KIAA2012: variants seen among roughly 807,000 people sequenced by gnomAD.
The protein encoded by KIAA2012 is KIAA2012.
KIAA2012 carries 125 observed loss-of-function variants against 150.6 expected under a neutral mutation model. The ratio of observed to expected loss-of-function variants is 0.83; its 90% confidence interval spans 0.72 to 0.96. KIAA2012 has a LOEUF of 0.96. KIAA2012 is among the 40% of genes least tolerant of loss of function. The pLI is 0.00. For missense variants in KIAA2012, 1,219 were observed against 1,354.9 expected, an observed-to-expected ratio of 0.90 and a Z score of 1.57; for synonymous variants, 462 against 504.7, an observed-to-expected ratio of 0.92 and a Z score of 1.13.
chr2:202,125,916 T>C (rs1690772075), intron 12 of KIAA2012: 1 of 401,336 alleles, frequency 2.5e-6, no homozygotes. Context: ...CAGAGAAATG[T>C]GAGTGGTGTT....
intron 15 of KIAA2012, among the ~76,000 whole-genome samples, chr2:202,166,810 CATG>C (rs1691777123): frequency 6.6e-6 from 1 of 152,142 alleles, no homozygotes; most frequent in Admixed American, 6.5e-5. Context: ...GTGAGAATAT[CATG>C]AGTCTTAGAC....
Position 202,100,409 on chromosome 2 carries a change from G to C in KIAA2012, c.1115G>C (p.Gly372Ala), listed in dbSNP as rs770610352. Residue 372 changes from glycine (G) to alanine (A), a missense_variant, in exon 7 of 24, where the codon GGC (glycine) becomes GCC (alanine). Physicochemically the swap from Gly to Ala is moderately conservative, Grantham distance 60. Coordinates refer to ENST00000498697, the MANE Select transcript of KIAA2012 (RefSeq NM_001277372.4). ...SLFPPVASAT[G>A]SRIITPGEVK... ...TTCCCTCCTGTAGCATCTGCCACTG[G>C]CTCCAGAATAATCACCCCTGGGGAA... 4 of 1,550,536 alleles carry C rather than the reference G, an allele frequency of 2.6e-6. No homozygotes were observed. The highest frequency in any genetic ancestry group is 2.4e-5 in the South Asian group (2 of 84,048).
intron 11 of KIAA2012, chr2:202,115,306 A>C (rs1451716989): frequency 6.6e-6 from 1 of 152,166 alleles, no homozygotes; most frequent in Non-Finnish European, 1.5e-5. Flanking sequence ...AAACCATCTT[A>C]ATCACCGTCT....
chr2:202,167,683 A>AT (rs1291267246), intron 15 of KIAA2012, among the ~76,000 whole-genome samples: 1 of 151,494 alleles, frequency 6.6e-6, no homozygotes, highest in Admixed American at 6.6e-5. Context: ...GCCTCTAAAA[A>AT]TTTTTTTTTA....
intron 16 of KIAA2012, among the ~76,000 whole-genome samples, chr2:202,185,479 G>A (rs1692209229): frequency 6.6e-6 from 1 of 152,126 alleles, no homozygotes; most frequent in South Asian, 2.1e-4. Flanking sequence ...GGTCAAAAAG[G>A]TTTTGTGTTC....
intron 2 of KIAA2012, 81 bp downstream of exon 2, chr2:202,075,256 C>A: frequency 1.4e-6 from 2 of 1,427,136 alleles, no homozygotes; most frequent in African/African-American, 1.4e-5. Context: ...GGAATAATTT[C>A]TTGGACCCGG....
At chr2:202,154,549 C>G in intron 13 of KIAA2012, 124 bp from the exon 14 acceptor site, 1 of 825,088 alleles carries the variant, frequency 1.2e-6, no homozygotes, top group Non-Finnish European at 1.8e-6. Context: ...ACAATAGTTG[C>G]TGCGTATTAT....
At position 202,087,432 on chromosome 2, in the gene KIAA2012, G is replaced by A. The variant is rs1419006580; in HGVS notation, c.370-3338G>A. ...GGAGGCTGAGGCAGGAGAATCGTTTGAACCCAGGAGGCAGAGATTGTAGTG... is the reference window on the plus strand; with the variant it reads ...GGAGGCTGAGGCAGGAGAATCGTTTAAACCCAGGAGGCAGAGATTGTAGTG... On this transcript the variant is annotated intron_variant, in intron 2 of 23. Coordinates refer to ENST00000498697, the MANE Select transcript of KIAA2012 (RefSeq NM_001277372.4). 2.3e-5 allele frequency among the ~76,000 whole-genome samples: 3 copies of A among 132,652 alleles called. No individual in the cohort carries two copies. The East Asian group carries it at 7.7e-4, about 34-fold the overall frequency. The allele number at this position is 132,652 out of a possible 152,430, so 87.0% of individuals were successfully genotyped here.
rs6435127 is a variant in KIAA2012 at position 202,104,215 on chromosome 2, A to G, written c.1324+1101A>G. ...TTTGTCAAAACTCATTGAACTGTGC[A>G]CTTAAGATCTGTGCGATTCACTCTA... On this transcript the variant is annotated intron_variant, in intron 8 of 23. Transcript: ENST00000498697. This position sits in a 1 kb window ranked among gnomAD's most constrained non-coding sequence, Gnocchi z 4.3. Among the ~76,000 whole-genome samples, 52,328 of 152,042 alleles carry G rather than the reference A, an allele frequency of 0.34. 10,473 individuals carry two copies. Among genetic ancestry groups the G allele is most frequent in the African/African-American group, 0.56 (23,181 of 41,426 alleles).
intron 1 of KIAA2012, 56 bp downstream of exon 1, chr2:202,073,767 T>C (rs1689259771): frequency 1.4e-6 from 2 of 1,458,868 alleles, no homozygotes; most frequent in African/African-American, 1.4e-5. Context: ...GAATGCTCTA[T>C]GTTTCCACTT....
At chr2:202,083,331 T>C (rs892508733) in intron 2 of KIAA2012, among the ~76,000 whole-genome samples, 26 of 152,250 alleles carry the variant, frequency 1.7e-4, no homozygotes, top group Admixed American at 6.5e-4. Flanking sequence ...GGATGGAGGA[T>C]GCTTTCCAGG....
chr2:202,099,110 C>G (rs185529627), intron 5 of KIAA2012, among the ~76,000 whole-genome samples: 1 of 152,008 alleles, frequency 6.6e-6, no homozygotes, highest in Non-Finnish European at 1.5e-5. Context: ...GCCTCAGCCC[C>G]CTGAGTAGCT....
At chr2:202,097,334 C>A in intron 4 of KIAA2012, 101 bp from the exon 5 acceptor site, 1 of 1,496,560 alleles carries the variant, frequency 6.7e-7, no homozygotes, top group South Asian at 1.3e-5. Flanking sequence ...GGGCCTTGAG[C>A]ACTTTTACTC....
chr2:202,138,999 G>A (rs1399661713), intron 13 of KIAA2012, among the ~76,000 whole-genome samples: 1 of 152,164 alleles, frequency 6.6e-6, no homozygotes, highest in African/African-American at 2.4e-5. Context: ...CACTTTGCGA[G>A]GCTGAGGCAG....
chr2:202,190,087 C>CA (rs575056734), intron 18 of KIAA2012, 87 bp from the exon 19 acceptor site: 43,947 of 818,494 alleles, frequency 0.054, 1 homozygote, highest in South Asian at 0.064. Context: ...GACCCTGTCT[C>CA]AAAAAAAAAA....
chr2:202,168,549 T>A (rs1051810875), intron 15 of KIAA2012, among the ~76,000 whole-genome samples: 1 of 152,166 alleles, frequency 6.6e-6, no homozygotes, highest in African/African-American at 2.4e-5. Context: ...AGAGCCTTAT[T>A]CTAAGGTAAT....
In KIAA2012 at chr2:202,083,855, A is replaced by G. The variant is rs528902791; in HGVS notation, c.370-6915A>G. 7.6e-4 allele frequency among the ~76,000 whole-genome samples: 116 copies of G among 152,318 alleles called. 7 individuals are homozygous for G. Among genetic ancestry groups the G allele is most frequent in the South Asian group, 2.1e-4 (1 of 4,828 alleles). ...GTGACATTTTGATACAAGGCTGTCC[A>G]TAAGAGAGTGAGATTATGATTTCCT... is the stretch of plus-strand genomic sequence containing the variant. On this transcript the variant is annotated intron_variant, in intron 2 of 23. Transcript: ENST00000498697.
At chr2:202,154,185 T>A (rs1483855767) in intron 13 of KIAA2012, among the ~76,000 whole-genome samples, 1 of 152,244 alleles carries the variant, frequency 6.6e-6, no homozygotes, top group Non-Finnish European at 1.5e-5. Context: ...ATCTTGGAAA[T>A]AAACTGGAAT....
chr2:202,200,894 C>T (rs540839880), intron 22 of KIAA2012, among the ~76,000 whole-genome samples: 7 of 151,826 alleles, frequency 4.6e-5, no homozygotes, highest in Non-Finnish European at 8.8e-5. Context: ...TTAGTAGAGA[C>T]GGGGTTTCTC....
Sources: allele counts gnomAD v4.1 joint callset (sites outside exome capture counted in the v4.1 genomes callset), GRCh38; gene constraint gnomAD v4.1.1; non-coding constraint Gnocchi (gnomAD v3.1); transcripts MANE v1.5; gene names NCBI Gene and HGNC (gene_info 2026-07-23, HGNC 2026-07-21).